Variants in ICE1 observed in about 807,000 individuals in gnomAD.
ICE1 encodes the protein little elongation complex subunit 1.
ICE1 carries 64 observed loss-of-function variants against 192.7 expected under a neutral mutation model. That is an observed-to-expected ratio of 0.33 (90% CI 0.27 to 0.41). The LOEUF is 0.41. ICE1 is among the 10% of genes least tolerant of loss of function. The probability of loss-of-function intolerance (pLI) is 1.00; values close to 1 mark genes in which losing one functional copy is unlikely to be tolerated. For missense variants in ICE1, 2,708 were observed against 2,696.0 expected (o/e 1.00, Z -0.10); for synonymous variants, 1,010 against 984.5 (o/e 1.03, Z -0.49).
intron 17 of ICE1, among the ~76,000 whole-genome samples, chr5:5,484,789 T>C (rs1284875150): frequency 6.6e-6 from 1 of 152,194 alleles, no homozygotes; most frequent in Admixed American, 6.5e-5. Flanking sequence ...ATGAAACTCA[T>C]ATGCTGGATC....
chr5:5,465,307 T>A, intron 13 of ICE1, 81 bp downstream of exon 13: 2 of 959,356 alleles, frequency 2.1e-6, no homozygotes, highest in Non-Finnish European at 3.1e-6. Context: ...GCAAAATGTG[T>A]AGATGACCAT....
Position 5,463,763 on chromosome 5 carries a change from G to A in ICE1, c.4429G>A (p.Gly1477Ser). The A allele has an allele frequency of 6.2e-7, 1 of 1,613,996 alleles. No homozygotes were observed. Among genetic ancestry groups the A allele is most frequent in the Non-Finnish European group, 8.5e-7 (1 of 1,179,888 alleles). ...AEKSPEASHT[G>S]PAFQEAPCGN... is the part of the protein sequence containing the mutation. ...GAAGTCCCCAGAGGCCAGTCACACT[G>A]GCCCTGCATTTCAGGAGGCTCCATG... The change falls in exon 13 of 19, where the codon GGC (glycine) becomes AGC (serine). Residue 1477 changes from glycine to serine, a missense_variant. Physicochemically the swap from Gly to Ser is moderately conservative, Grantham distance 56 (BLOSUM62 0). Transcript: ENST00000296564.
In ICE1 at chr5:5,487,391, T is replaced by C. The variant is rs191098093; in HGVS notation, c.6619+572T>C. Among the ~76,000 whole-genome samples, 16 of 152,354 alleles carry C rather than the reference T, an allele frequency of 1.1e-4. No individual in the cohort carries two copies. The East Asian group carries it at 2.9e-3, about 27-fold the overall frequency. On this transcript the variant is annotated intron_variant, in intron 18 of 18. Coordinates refer to ENST00000296564, the MANE Select transcript of ICE1 (RefSeq NM_015325.3). ...TTATAAGGGATGAATCTAGTTTTTA[T>C]TTTGAATATTGTATAATCAAGGAAT...
Position 5,441,176 on chromosome 5 carries a change from T to A in ICE1, c.262T>A (p.Cys88Ser). 1 of 1,565,292 alleles carries A rather than the reference T, an allele frequency of 6.4e-7. No individual in the cohort carries two copies. Among genetic ancestry groups the A allele is most frequent in the African/African-American group, 1.4e-5 (1 of 73,896 alleles). Residue 88 changes from cysteine (C) to serine (S), a missense_variant, in exon 5 of 19, where the codon TGT becomes AGT. By Grantham distance (112) the Cys-to-Ser change is moderately radical. Transcript: ENST00000296564. ...TCAAAAAATTTCTCCTCTACAGAAA[T>A]GTCAGGAAGAACTGGGATCTTTAAA... ...MLQKISPLQK[C>S]QEELGSLKAE...
Position 5,462,404 on chromosome 5 carries a change from A to G in ICE1, c.3070A>G (p.Thr1024Ala). The change falls in exon 13 of 19, where the codon ACA (threonine) becomes GCA (alanine). Residue 1024 changes from threonine (T) to alanine (A), a missense_variant. Thr to Ala is a moderately conservative substitution (Grantham distance 58). This residue lies in a region of ICE1 where 2,366 missense variants were observed against 2,276.6 expected (regional missense o/e 1.04). Coordinates refer to ENST00000296564, the MANE Select transcript of ICE1 (RefSeq NM_015325.3). ...TGTTGAAGAAACCAGCTGTGGAGAC[A>G]CAGGGAGATCTGGTGGTGAGGCCCT... is the stretch of plus-strand genomic sequence containing the variant. ...FSVEETSCGD[T>A]GRSGGEALAV... 6.2e-7 allele frequency: 1 copy of G among 1,614,038 alleles called. No individual in the cohort carries two copies. Among genetic ancestry groups the G allele is most frequent in the Non-Finnish European group, 8.5e-7 (1 of 1,179,898 alleles).
At chr5:5,468,716 A>G (rs973090860) in intron 14 of ICE1, 112 bp from the exon 15 acceptor site, 9 of 599,958 alleles carry the variant, frequency 1.5e-5, no homozygotes, top group African/African-American at 1.2e-4. Context: ...AGCTTCCTCC[A>G]TTGCAGGATG....
chr5:5,442,971 T>C (rs1738092539), intron 5 of ICE1, among the ~76,000 whole-genome samples, 197 bp from the exon 6 acceptor site: 1 of 152,228 alleles, frequency 6.6e-6, no homozygotes, highest in Non-Finnish European at 1.5e-5. Flanking sequence ...TTAAGTTTTA[T>C]AGTTTTTGTT....
rs756591548 is a variant in ICE1, at chr5:5,460,583, G to C, written c.1249G>C (p.Glu417Gln). 13 of 1,612,978 alleles carry C rather than the reference G, an allele frequency of 8.1e-6. No individual in the cohort carries two copies. In the South Asian group the frequency reaches 8.8e-5, roughly 11 times the overall value. ...LRKNKGSGTW[E>Q]EKPKSHEAIQ... ...AAAAAATAAAGGAAGTGGCACATGG[G>C]AGGAAAAGCCCAAATCACATGAAGC... The change falls in exon 13 of 19, where the codon GAG becomes CAG. Residue 417 changes from glutamate (E) to glutamine (Q), a missense_variant. Glu to Gln is a conservative substitution (Grantham distance 29). Coordinates refer to ENST00000296564, the MANE Select transcript of ICE1 (RefSeq NM_015325.3).
chr5:5,463,645 C>G lies in ICE1; in HGVS notation c.4311C>G (p.Asp1437Glu), dbSNP rs530519733. ...GTGTAGCTGTCTTGCCACATGTGGA[C>G]CAGGTCACACTGTGTGACATTCCTG... ...ISGVAVLPHV[D>E]QVTLCDIPGD... Residue 1437 changes from aspartate to glutamate, a missense_variant, in exon 13 of 19, where the codon GAC becomes GAG. By Grantham distance (45) the Asp-to-Glu change is conservative (BLOSUM62 2). This residue lies in a region of ICE1 where 2,366 missense variants were observed against 2,276.6 expected (regional missense o/e 1.04). Coordinates refer to ENST00000296564, the MANE Select transcript of ICE1 (RefSeq NM_015325.3). 3 of 1,613,946 alleles carry G rather than the reference C, an allele frequency of 1.9e-6. No individual in the cohort carries two copies. The highest frequency in any genetic ancestry group is 2.2e-5 in the East Asian group (1 of 44,876).
chr5:5,458,523 G>A (rs924907243), intron 12 of ICE1, among the ~76,000 whole-genome samples: 4 of 152,170 alleles, frequency 2.6e-5, no homozygotes, highest in Non-Finnish European at 4.4e-5. Context: ...GGCAGGTTGC[G>A]GGGCAGGCAG....
chr5:5,444,393 G>T, intron 7 of ICE1, 67 bp downstream of exon 7: 1 of 1,068,020 alleles, frequency 9.4e-7, no homozygotes, highest in East Asian at 2.6e-5. Flanking sequence ...TGTATGAGGA[G>T]GTACTTCTTG....
Position 5,462,807 on chromosome 5 carries a change from A to G in ICE1, c.3473A>G (p.Asp1158Gly). Residue 1158 changes from aspartate to glycine, a missense_variant, in exon 13 of 19, where the codon GAT (aspartate) becomes GGT (glycine). By Grantham distance (94) the Asp-to-Gly change is moderately conservative. This residue lies in a region of ICE1 where 2,366 missense variants were observed against 2,276.6 expected (regional missense o/e 1.04). Coordinates refer to ENST00000296564, the MANE Select transcript of ICE1 (RefSeq NM_015325.3). ...EVGYLTSALQ[D>G]FNISTFSELD... ...GGTTATTTGACGTCAGCTCTGCAAG[A>G]TTTTAACATAAGTACTTTTTCTGAG... 1 of 1,612,804 alleles carries G rather than the reference A, an allele frequency of 6.2e-7. No homozygotes were observed. Among genetic ancestry groups the G allele is most frequent in the South Asian group, 1.1e-5 (1 of 90,880 alleles).
rs1174446850 is a variant in ICE1 at position 5,424,375 on chromosome 5, C to T, written c.84+1376C>T. ...CATTGTGTAGGTATCTTATAACGCC[C>T]CCCCGCCCCCGCCACCACCACCCCA... is the stretch of plus-strand genomic sequence containing the variant. On this transcript the variant is annotated intron_variant, in intron 1 of 18. Coordinates refer to ENST00000296564, the MANE Select transcript of ICE1 (RefSeq NM_015325.3). Among the ~76,000 whole-genome samples the T allele has an allele frequency of 2.0e-5, 3 of 152,054 alleles. No homozygotes were observed. In the South Asian group the frequency reaches 6.2e-4, roughly 32 times the overall value.
At chr5:5,426,374 G>A (rs552936161) in intron 1 of ICE1, among the ~76,000 whole-genome samples, 15 of 152,012 alleles carry the variant, frequency 9.9e-5, no homozygotes, top group African/African-American at 2.9e-4. Flanking sequence ...GAACCTGGGA[G>A]GCCGAGGTTG....
At chr5:5,455,497 A>G (rs1311659519) in intron 11 of ICE1, among the ~76,000 whole-genome samples, 3 of 152,178 alleles carry the variant, frequency 2.0e-5, no homozygotes, top group Admixed American at 1.3e-4. Context: ...GGCCTTCTAT[A>G]TCAATCAGCA....
At position 5,464,153 on chromosome 5, in the gene ICE1, A is replaced by C; in HGVS notation, c.4819A>C (p.Asn1607His). The C allele has an allele frequency of 1.2e-6, 2 of 1,613,664 alleles. No homozygotes were observed. Residue 1607 changes from asparagine (N) to histidine (H), a missense_variant, in exon 13 of 19, where the codon AAT (asparagine) becomes CAT (histidine). Asn to His is a moderately conservative substitution (Grantham distance 68). Around this residue, in one of 2 missense-constraint regions of ICE1, gnomAD observed 2,366 missense variants for 2,276.6 expected, o/e 1.04. Transcript: ENST00000296564. The surrounding 1 kb of genome is among the most constrained non-coding windows in gnomAD (Gnocchi z 4.0). ...AAGCCAAACTCAGACCATTTTAGCA[A>C]ATGCTGATACATCCACTCCTACAGA... is the stretch of plus-strand genomic sequence containing the variant. ...QRSQTQTILANADTSTPTDCS... is the reference protein window; with the variant it reads ...QRSQTQTILAHADTSTPTDCS...
At chr5:5,482,051 G>T (rs1739517741) in intron 17 of ICE1, among the ~76,000 whole-genome samples, 1 of 152,138 alleles carries the variant, frequency 6.6e-6, no homozygotes, top group South Asian at 2.1e-4. Context: ...CTCTTTTAAA[G>T]AAAACTATTT....
rs763335804 is a variant in ICE1 at position 5,465,123 on chromosome 5, T to TA, written c.5790dup (p.Pro1931ThrfsTer5). ...ATTGCAGAGTTTTCTTTTGATCTGT[T>TA]ACCTGTCATTCGTAGTCATGTGTAT... is the stretch of plus-strand genomic sequence containing the variant. On this transcript the variant is annotated frameshift_variant, in exon 13 of 19. Coordinates refer to ENST00000296564, the MANE Select transcript of ICE1 (RefSeq NM_015325.3). LOFTEE classifies it high-confidence loss of function. 6.2e-7 allele frequency: 1 copy of TA among 1,612,374 alleles called. No homozygotes were observed.
At chr5:5,444,369 A>C (rs1561078859) in intron 7 of ICE1, 43 bp downstream of exon 7, 3 of 1,401,934 alleles carry the variant, frequency 2.1e-6, no homozygotes, top group Non-Finnish European at 3.0e-6. Flanking sequence ...GTCAGTACAA[A>C]AATCACTGGT....
Sources: allele counts gnomAD v4.1 joint callset (sites outside exome capture counted in the v4.1 genomes callset), GRCh38; gene constraint gnomAD v4.1.1; regional missense constraint gnomAD v4.1.1; non-coding constraint Gnocchi (gnomAD v3.1); transcripts MANE v1.5; gene names NCBI Gene and HGNC (gene_info 2026-07-23, HGNC 2026-07-21).